Variants in NEK11 observed in about 807,000 individuals in gnomAD.
The protein encoded by NEK11 is serine/threonine-protein kinase Nek11.
NEK11 carries 72 observed loss-of-function variants against 80.7 expected under a neutral mutation model. The ratio of observed to expected loss-of-function variants is 0.89; its 90% CI spans 0.74 to 1.08. The LOEUF is 1.08. Among genes scored for constraint, NEK11 ranks in the 50% least tolerant of loss-of-function variants. The pLI is 0.00. For missense variants in NEK11, 764 were observed against 763.6 expected (o/e 1.00, Z -0.01); for synonymous variants, 251 against 260.7 (o/e 0.96, Z 0.36).
At position 131,229,877 on chromosome 3, in the gene NEK11, C is replaced by G. The variant is rs373241766; in HGVS notation, c.1560+1189C>G. Among the ~76,000 whole-genome samples the G allele has an allele frequency of 2.0e-4, 30 of 152,106 alleles. 2 individuals carry two copies. The South Asian group carries it at 6.2e-3, about 32-fold the overall frequency. ...CAAATACATTTGGAGAAAAATACAG[C>G]TAAAGGGGGGATTCAGAATGCCAAA... On this transcript the variant is annotated intron_variant, in intron 15 of 17. Transcript: ENST00000383366.
rs532676102 is a variant in NEK11, at chr3:131,117,062, C to A, written c.455+7141C>A. Among the ~76,000 whole-genome samples, 3 of 152,276 alleles carry A rather than the reference C, an allele frequency of 2.0e-5. No individual in the cohort carries two copies. In the South Asian group the frequency reaches 6.2e-4, roughly 32 times the overall value. On this transcript the variant is annotated intron_variant, in intron 5 of 17. Coordinates refer to ENST00000383366, the MANE Select transcript of NEK11 (RefSeq NM_024800.5). ...ATGAAGTCCTTGCACATGCCTATGT[C>A]CTGAATGGTATTGCCTAGGTTTTCT...
At chr3:131,054,782 AAATAAATAAATG>A (rs778604089) in intron 3 of NEK11, among the ~76,000 whole-genome samples, 1,695 of 145,552 alleles carry the variant, frequency 0.012, 27 homozygotes, top group African/African-American at 0.03. Flanking sequence ...ATAAATAAAT[AAATAAATAAATG>A]AATGAATGTA....
intron 14 of NEK11, chr3:131,184,792 C>A (rs926556676): frequency 2.1e-6 from 2 of 952,656 alleles, no homozygotes; most frequent in Non-Finnish European, 2.8e-6. Flanking sequence ...TCCATGCATA[C>A]TTTTTGAGTC....
rs563307067 is a variant in NEK11, at chr3:131,245,203, T to G, written c.1621+1707T>G. On this transcript the variant is annotated intron_variant, in intron 16 of 17. Coordinates refer to ENST00000383366, the MANE Select transcript of NEK11 (RefSeq NM_024800.5). ...AGAACATTGGTATTTGACATTCTGT[T>G]TCTGAGTTGTTTCACTTAAGATAAT... Among the ~76,000 whole-genome samples, 4 of 152,202 alleles carry G rather than the reference T, an allele frequency of 2.6e-5. No individual in the cohort carries two copies. In the East Asian group the frequency reaches 7.7e-4, roughly 29 times the overall value.
intron 3 of NEK11, among the ~76,000 whole-genome samples, chr3:131,038,746 G>T (rs553522455): frequency 6.6e-6 from 1 of 152,120 alleles, no homozygotes; most frequent in Non-Finnish European, 1.5e-5. Flanking sequence ...TATTACAGCC[G>T]TATTAGTGTC....
chr3:131,348,091 TC>T (rs2097393091), intron 17 of NEK11, among the ~76,000 whole-genome samples: 1 of 152,182 alleles, frequency 6.6e-6, no homozygotes, highest in Admixed American at 6.5e-5. Flanking sequence ...TTTACTCTTT[TC>T]TCTGTTCTTC....
At chr3:131,208,277 G>C (rs969446604) in intron 14 of NEK11, among the ~76,000 whole-genome samples, 2 of 151,982 alleles carry the variant, frequency 1.3e-5, no homozygotes, top group Non-Finnish European at 2.9e-5. Context: ...GATGATTGTA[G>C]ATGTGTTATT....
chr3:131,128,531 C>T (rs2083776803), intron 5 of NEK11, among the ~76,000 whole-genome samples: 1 of 152,132 alleles, frequency 6.6e-6, no homozygotes, highest in African/African-American at 2.4e-5. Context: ...TGTGAATGTA[C>T]CATGGTTTAT....
At chr3:131,322,518 TA>T (rs2109770720) in intron 17 of NEK11, among the ~76,000 whole-genome samples, 1 of 152,304 alleles carries the variant, frequency 6.6e-6, no homozygotes, top group East Asian at 1.9e-4. Context: ...CTTGCTACTA[TA>T]AATGTAATCA....
chr3:131,265,400 G>A (rs1272741958), intron 16 of NEK11, among the ~76,000 whole-genome samples: 3 of 152,134 alleles, frequency 2.0e-5, no homozygotes, highest in Non-Finnish European at 2.9e-5. Flanking sequence ...TCAAAACTTA[G>A]TTTATCGAGA....
At chr3:131,199,467 G>A (rs1256350029) in intron 14 of NEK11, among the ~76,000 whole-genome samples, 2 of 152,092 alleles carry the variant, frequency 1.3e-5, no homozygotes, top group Non-Finnish European at 2.9e-5. Context: ...TTTATACATT[G>A]TTGGTAAAAT....
At chr3:131,098,880 C>T (rs535820785) in intron 4 of NEK11, among the ~76,000 whole-genome samples, 16 of 151,294 alleles carry the variant, frequency 1.1e-4, no homozygotes, top group South Asian at 8.4e-4. Flanking sequence ...GGATATTAAA[C>T]GTTTGTTGGA....
intron 16 of NEK11, among the ~76,000 whole-genome samples, chr3:131,248,590 G>A (rs1451417551): frequency 6.6e-6 from 1 of 152,000 alleles, no homozygotes; most frequent in African/African-American, 2.4e-5. Flanking sequence ...TGGATTGCAT[G>A]GTCCCCCCGT....
intron 14 of NEK11, among the ~76,000 whole-genome samples, chr3:131,198,615 A>G (rs2094116333): frequency 6.6e-6 from 1 of 152,026 alleles, no homozygotes; most frequent in Non-Finnish European, 1.5e-5. Context: ...AATGTGGCCA[A>G]CTCTTTGCCA....
chr3:131,162,601 G>A, intron 11 of NEK11, 74 bp downstream of exon 11: 2 of 1,569,102 alleles, frequency 1.3e-6, no homozygotes. Context: ...ACAGAGAAAA[G>A]CAAAAACCAA....
chr3:131,051,428 C>T (rs114087901), intron 3 of NEK11, among the ~76,000 whole-genome samples: 1,873 of 152,244 alleles, frequency 0.012, 30 homozygotes, highest in African/African-American at 0.042. Context: ...TAAAATACCC[C>T]GGCCTGTAGA....
chr3:131,061,894 T>C (rs1390612042), intron 3 of NEK11, among the ~76,000 whole-genome samples: 1 of 152,176 alleles, frequency 6.6e-6, no homozygotes, highest in Non-Finnish European at 1.5e-5. Context: ...ACAGTGGCCT[T>C]CTTGAGGCCC....
chr3:131,058,203 A>G (rs2070015052), intron 3 of NEK11, among the ~76,000 whole-genome samples: 1 of 152,082 alleles, frequency 6.6e-6, no homozygotes, highest in Admixed American at 6.6e-5. Flanking sequence ...AGTTGTAGAT[A>G]TGCGGCGTTA....
intron 5 of NEK11, among the ~76,000 whole-genome samples, chr3:131,125,178 A>G (rs879390969): frequency 2.0e-5 from 3 of 152,178 alleles, no homozygotes; most frequent in Admixed American, 1.3e-4. Flanking sequence ...TTATATGCTG[A>G]TTTTATAGGC....
Sources: gnomAD v4.1 joint callset for allele counts (sites outside exome capture counted in the v4.1 genomes callset) on GRCh38, gnomAD v4.1.1 for gene constraint, MANE v1.5 for transcripts, NCBI Gene and HGNC (gene_info 2026-07-23, HGNC 2026-07-21) for gene names.